Variants in NRXN1 observed in about 807,000 individuals in gnomAD.
NRXN1 encodes the protein neurexin 1, also known as neurexin-1.
Under a neutral mutation model 150.9 loss-of-function variants are expected in NRXN1, and 39 were observed. That is an observed-to-expected ratio of 0.26 (90% CI 0.20 to 0.34). NRXN1 has a LOEUF of 0.34. Ranked by LOEUF, NRXN1 falls within the 10% of genes least tolerant of loss-of-function variation. The pLI, the probability that NRXN1 is intolerant of heterozygous loss-of-function variation, is 1.00. For synonymous variants in NRXN1, 924 were observed against 757.0 expected (o/e 1.22, Z -3.62); for missense variants, 1,815 against 1,949.9 (o/e 0.93, Z 1.30).
chr2:50,098,829 A>G (rs1165548658), intron 18 of NRXN1, among the ~76,000 whole-genome samples: 1 of 32,424 alleles, frequency 3.1e-5, no homozygotes, highest in Non-Finnish European at 5.5e-5. Flanking sequence ...TTTTGGTTTT[A>G]GTTTTTTTTT....
intron 17 of NRXN1, among the ~76,000 whole-genome samples, chr2:50,413,370 T>C (rs140018869): frequency 4.7e-4 from 71 of 151,674 alleles, no homozygotes; most frequent in East Asian, 2.3e-3. Flanking sequence ...AATGCCTGAA[T>C]AGACATTTCT....
chr2:50,804,374 G>A (rs1191167268), intron 5 of NRXN1, among the ~76,000 whole-genome samples: 1 of 152,088 alleles, frequency 6.6e-6, no homozygotes, highest in Non-Finnish European at 1.5e-5. Flanking sequence ...GCATTATCTT[G>A]CTTAATTTGC....
intron 12 of NRXN1, among the ~76,000 whole-genome samples, chr2:50,508,934 T>C (rs1359613249): frequency 6.6e-6 from 1 of 152,176 alleles, no homozygotes; most frequent in Non-Finnish European, 1.5e-5. Context: ...TGAAGTGTAA[T>C]GGAAAGTGCA....
intron 18 of NRXN1, among the ~76,000 whole-genome samples, chr2:50,140,670 T>TC (rs201807117): frequency 1.3e-3 from 129 of 99,764 alleles, no homozygotes; most frequent in African/African-American, 3.5e-3. Flanking sequence ...TTTCTCTCTC[T>TC]TTTTTTTTTT....
intron 8 of NRXN1, among the ~76,000 whole-genome samples, chr2:50,598,709 T>TATATATGTATATATACAC (rs1675708930): frequency 2.8e-5 from 4 of 144,786 alleles, no homozygotes; most frequent in African/African-American, 7.7e-5. Context: ...TATATATACA[T>TATATATGTATATATACAC]ATATATGTAT....
chr2:50,709,367 A>G (rs755699765), intron 5 of NRXN1, among the ~76,000 whole-genome samples: 1 of 152,174 alleles, frequency 6.6e-6, no homozygotes, highest in African/African-American at 2.4e-5. Flanking sequence ...AACAATTATG[A>G]TAAGTACAGT....
At chr2:50,572,902 T>C (rs1049552315) in intron 8 of NRXN1, among the ~76,000 whole-genome samples, 10 of 152,212 alleles carry the variant, frequency 6.6e-5, no homozygotes, top group Non-Finnish European at 1.3e-4. Flanking sequence ...ATTAATTGTG[T>C]GAATTTGAGC....
intron 5 of NRXN1, among the ~76,000 whole-genome samples, chr2:50,905,417 G>A (rs9677208): frequency 0.089 from 13,477 of 152,072 alleles, 682 homozygotes; most frequent in South Asian, 0.12. Flanking sequence ...GAGAGCCTAG[G>A]GAAAATTTGG....
intron 5 of NRXN1, among the ~76,000 whole-genome samples, chr2:50,709,528 A>G (rs1694871986): frequency 6.6e-6 from 1 of 152,134 alleles, no homozygotes; most frequent in Non-Finnish European, 1.5e-5. Flanking sequence ...ACTTCAGAGA[A>G]GGTACCACTT....
At chr2:50,449,845 G>A (rs1447437213) in intron 17 of NRXN1, among the ~76,000 whole-genome samples, 2 of 152,050 alleles carry the variant, frequency 1.3e-5, no homozygotes, top group African/African-American at 2.4e-5. Context: ...TGGGGTACAG[G>A]GAGGATGTTA....
intron 5 of NRXN1, among the ~76,000 whole-genome samples, chr2:50,748,875 G>C (rs1700276383): frequency 6.6e-6 from 1 of 152,094 alleles, no homozygotes; most frequent in Non-Finnish European, 1.5e-5. Context: ...CTGTCAGTGA[G>C]TGTCTGGTTT....
At chr2:50,297,043 C>A (rs1293178476) in intron 17 of NRXN1, among the ~76,000 whole-genome samples, 1 of 145,336 alleles carries the variant, frequency 6.9e-6, no homozygotes, top group African/African-American at 2.6e-5. Context: ...CCACCACACC[C>A]AGCTAATTAT....
chr2:50,004,248 TGTGA>T (rs2152537511), intron 21 of NRXN1, among the ~76,000 whole-genome samples: 1 of 152,198 alleles, frequency 6.6e-6, no homozygotes, highest in African/African-American at 2.4e-5. Flanking sequence ...GAGACACTCT[TGTGA>T]GTAAGGAAAG....
chr2:50,149,096 GA>G (rs1460892614), intron 18 of NRXN1, among the ~76,000 whole-genome samples: 1 of 151,752 alleles, frequency 6.6e-6, no homozygotes, highest in Admixed American at 6.6e-5. Context: ...AGCAGAGAGG[GA>G]AGGTGGAAAG....
chr2:50,977,690 G>A (rs997379926), intron 2 of NRXN1, among the ~76,000 whole-genome samples: 37 of 151,906 alleles, frequency 2.4e-4, no homozygotes, highest in African/African-American at 8.7e-4. Flanking sequence ...TCAGAGTATG[G>A]AATTTATCTA....
rs779783436 is a variant in NRXN1, at chr2:50,053,601, A to G, written c.3809-11T>C. On this transcript the variant is annotated splice_polypyrimidine_tract_variant and intron_variant, in intron 20 of 22. Coordinates refer to ENST00000401669, the MANE Select transcript of NRXN1 (RefSeq NM_001330078.2). The stretch of plus-strand genomic sequence containing the variant: ...TTGTGAGCTGACGCCCTGTAAAAAT[A>G]ATATTACATACATGCAAAAATGTTG... The G allele has an allele frequency of 6.2e-7, 1 of 1,613,508 alleles. No individual in the cohort carries two copies. The highest frequency in any genetic ancestry group is 1.7e-5 in the Admixed American group (1 of 59,964).
At chr2:50,848,475 G>T (rs1284147182) in intron 5 of NRXN1, among the ~76,000 whole-genome samples, 1 of 152,062 alleles carries the variant, frequency 6.6e-6, no homozygotes, top group Admixed American at 6.6e-5. Context: ...CTCTGCTTCG[G>T]TTTGGGAGGC....
chr2:50,963,905 T>C (rs1693611918), intron 2 of NRXN1: 1 of 355,568 alleles, frequency 2.8e-6, no homozygotes, highest in South Asian at 2.2e-5. Flanking sequence ...ATTTGTTTAA[T>C]GAATTATGGT....
At chr2:50,978,773 T>C (rs555794475) in intron 2 of NRXN1, among the ~76,000 whole-genome samples, 3 of 152,032 alleles carry the variant, frequency 2.0e-5, no homozygotes, top group African/African-American at 7.2e-5. Flanking sequence ...CTTTTCCCCA[T>C]GAATTATGAT....
Sources: gnomAD v4.1 joint callset for allele counts (sites outside exome capture counted in the v4.1 genomes callset) on GRCh38, gnomAD v4.1.1 for gene constraint, MANE v1.5 for transcripts, NCBI Gene and HGNC (gene_info 2026-07-23, HGNC 2026-07-21) for gene names.